SPOPL: variants seen among roughly 807,000 people sequenced by gnomAD.
SPOPL encodes speckle type BTB/POZ protein like, also known as speckle-type POZ protein-like.
In SPOPL, 23 loss-of-function variants were observed where a neutral mutation model predicts 53.8. That is an observed-to-expected ratio of 0.43 (90% CI 0.31 to 0.61). The LOEUF is 0.61. Ranked by LOEUF, SPOPL falls within the 20% of genes least tolerant of loss-of-function variation. The pLI is 0.12. For missense variants in SPOPL, 442 were observed against 466.9 expected (o/e 0.95, Z 0.49); for synonymous variants, 164 against 149.7 (o/e 1.10, Z -0.70).
chr2:138,526,715 A>AT (rs1684683917), intron 1 of SPOPL, among the ~76,000 whole-genome samples: 1 of 148,432 alleles, frequency 6.7e-6, no homozygotes, highest in Non-Finnish European at 1.5e-5. Context: ...TCATTCTTAA[A>AT]TAGAGTATGG....
At chr2:138,565,682 A>T (rs886497154) in intron 10 of SPOPL, among the ~76,000 whole-genome samples, 1 of 152,030 alleles carries the variant, frequency 6.6e-6, no homozygotes, top group Non-Finnish European at 1.5e-5. Flanking sequence ...TTGCCTATAA[A>T]CCCTTAAATT....
intron 1 of SPOPL, among the ~76,000 whole-genome samples, chr2:138,532,225 CCTTGGATATCCTGTTT>C (rs1171736183): frequency 1.3e-5 from 2 of 152,054 alleles, no homozygotes; most frequent in Non-Finnish European, 2.9e-5. Flanking sequence ...GATCTTAGCC[CCTTGGATATCCTGTTT>C]TATCTCCAGC....
At chr2:138,525,435 G>A (rs1684649966) in intron 1 of SPOPL, among the ~76,000 whole-genome samples, 1 of 152,122 alleles carries the variant, frequency 6.6e-6, no homozygotes, top group Non-Finnish European at 1.5e-5. Context: ...GAGCTGACTG[G>A]CAGTCAGTAA....
intron 1 of SPOPL, among the ~76,000 whole-genome samples, chr2:138,532,462 T>C (rs1684831645): frequency 7.0e-6 from 1 of 143,306 alleles, no homozygotes; most frequent in East Asian, 2.2e-4. Flanking sequence ...AATCTCGCTC[T>C]GTCGCTCAGG....
chr2:138,569,028 C>T lies in SPOPL; in HGVS notation c.1127C>T (p.Ser376Phe), dbSNP rs755938675. The change falls in exon 11 of 11, where the codon TCT becomes TTT. Residue 376 changes from serine (S) to phenylalanine (F), a missense_variant. Ser to Phe is a radical substitution (Grantham distance 155). Transcript: ENST00000280098. ...LVAEAFRALA[S>F]AQCPQFGIPR... ...GCAGAAGCCTTTCGAGCACTAGCAT[C>T]TGCACAGTGTCCACAGTTTGGCATT... 6.2e-7 allele frequency: 1 copy of T among 1,614,040 alleles called. No individual in the cohort carries two copies. Among genetic ancestry groups the T allele is most frequent in the East Asian group, 2.2e-5 (1 of 44,882 alleles).
chr2:138,539,920 G>A (rs1444460561), intron 1 of SPOPL, among the ~76,000 whole-genome samples: 1 of 152,122 alleles, frequency 6.6e-6, no homozygotes, highest in Non-Finnish European at 1.5e-5. Flanking sequence ...ATTAATTTTT[G>A]TATAAGGTGT....
rs1414598983 is a variant in SPOPL at position 138,569,883 on chromosome 2, A to C, written c.*803A>C. ...TTAAAAGTAAGGATGACCAAATGCA[A>C]ATTTAATGAGTGGGCCAATTAAGAA... On this transcript the variant is annotated 3_prime_UTR_variant, in exon 11 of 11. Transcript: ENST00000280098. 1.3e-5 allele frequency: 2 copies of C among 152,732 alleles called. No homozygotes were observed. Among genetic ancestry groups the C allele is most frequent in the East Asian group, 3.9e-4 (2 of 5,186 alleles). The allele number at this position is 152,732 out of a possible 1,614,324, so 9.5% of individuals were successfully genotyped here. A position where few individuals can be genotyped will look rare whatever the true frequency, so the allele number is the denominator to read the frequency against.
rs1685777381 is a variant in SPOPL, at chr2:138,571,384, T to C, written c.*2304T>C. 1 of 152,514 alleles carries C rather than the reference T, an allele frequency of 6.6e-6. No homozygotes were observed. Among genetic ancestry groups the C allele is most frequent in the Admixed American group, 6.6e-5 (1 of 15,238 alleles). The allele number at this position is 152,514 out of a possible 1,614,324, so 9.4% of individuals were successfully genotyped here. On this transcript the variant is annotated 3_prime_UTR_variant, in exon 11 of 11. Transcript: ENST00000280098. ...AGTTTATTGCAAATCTTAAGGATTT[T>C]ATTATAAAGATTTTTTTTTTAGTTT...
At chr2:138,535,508 A>G (rs1328757762) in intron 1 of SPOPL, among the ~76,000 whole-genome samples, 1 of 146,848 alleles carries the variant, frequency 6.8e-6, no homozygotes, top group African/African-American at 2.5e-5. Flanking sequence ...TCGTCAATGC[A>G]GGTGATTCCC....
intron 10 of SPOPL, among the ~76,000 whole-genome samples, chr2:138,568,726 G>A (rs1685717267): frequency 6.6e-6 from 1 of 152,116 alleles, no homozygotes; most frequent in African/African-American, 2.4e-5. Flanking sequence ...CTTTAAGGGA[G>A]CCGAACTTCC....
chr2:138,515,854 T>A (rs905290280), intron 1 of SPOPL, among the ~76,000 whole-genome samples: 1 of 152,238 alleles, frequency 6.6e-6, no homozygotes, highest in Non-Finnish European at 1.5e-5. Flanking sequence ...CATTTCTTAC[T>A]GCTGCAAAGT....
chr2:138,546,124 A>G (rs1397283299), intron 1 of SPOPL, among the ~76,000 whole-genome samples: 3 of 152,218 alleles, frequency 2.0e-5, no homozygotes, highest in Non-Finnish European at 4.4e-5. Flanking sequence ...GTGTGTGTCT[A>G]TATGACATAT....
At chr2:138,530,033 C>G (rs1217995053) in intron 1 of SPOPL, among the ~76,000 whole-genome samples, 1 of 152,016 alleles carries the variant, frequency 6.6e-6, no homozygotes, top group African/African-American at 2.4e-5. Flanking sequence ...CCATGTGTTT[C>G]CATCTTTTAG....
intron 10 of SPOPL, among the ~76,000 whole-genome samples, chr2:138,567,551 A>T (rs1558883584): frequency 6.6e-6 from 1 of 152,288 alleles, no homozygotes; most frequent in South Asian, 2.1e-4. Flanking sequence ...GTAGGTGTCC[A>T]GTAAAGGGTT....
chr2:138,513,954 AC>A (rs1429718388), intron 1 of SPOPL, among the ~76,000 whole-genome samples: 2 of 152,040 alleles, frequency 1.3e-5, no homozygotes, highest in Non-Finnish European at 2.9e-5. Flanking sequence ...TATTTGTTAA[AC>A]TTTTTTTGCT....
chr2:138,557,603 T>A (rs1685455731), intron 5 of SPOPL, among the ~76,000 whole-genome samples: 1 of 152,200 alleles, frequency 6.6e-6, no homozygotes, highest in Admixed American at 6.5e-5. Context: ...TTATTTATAC[T>A]TTTATTTAAT....
At chr2:138,547,025 G>T (rs1051368483) in intron 1 of SPOPL, among the ~76,000 whole-genome samples, 15 of 152,054 alleles carry the variant, frequency 9.9e-5, no homozygotes, top group Non-Finnish European at 1.5e-4. Context: ...GAGTGCAGTG[G>T]TGCGATCTTG....
At chr2:138,533,607 A>G (rs1024541044) in intron 1 of SPOPL, among the ~76,000 whole-genome samples, 1 of 152,056 alleles carries the variant, frequency 6.6e-6, no homozygotes, top group Non-Finnish European at 1.5e-5. Flanking sequence ...TTACTATTTT[A>G]TCACCTTTAT....
intron 1 of SPOPL, among the ~76,000 whole-genome samples, chr2:138,505,027 A>G (rs1193596749): frequency 2.6e-5 from 4 of 152,238 alleles, no homozygotes; most frequent in Admixed American, 2.6e-4. Flanking sequence ...GCCAGGCAAC[A>G]TAGTTCTCAT....
Sources: gnomAD v4.1 joint callset for allele counts (sites outside exome capture counted in the v4.1 genomes callset) on GRCh38, gnomAD v4.1.1 for gene constraint, MANE v1.5 for transcripts, NCBI Gene and HGNC (gene_info 2026-07-23, HGNC 2026-07-21) for gene names.